Variants in GALNT2 observed in about 807,000 individuals in gnomAD.
The protein encoded by GALNT2 is UDP-GalNAc:polypeptide N-acetylgalactosaminyltransferase 2.
In GALNT2, 31 loss-of-function variants were observed where a neutral mutation model predicts 81.4. The observed-to-expected ratio is 0.38, with a 90% CI of 0.29 to 0.51. The LOEUF (loss-of-function observed/expected upper bound fraction) is 0.51. Ranked by LOEUF, GALNT2 falls within the 20% of genes least tolerant of loss-of-function variation. GALNT2 has a pLI of 0.87. For synonymous variants in GALNT2, 303 were observed against 287.4 expected, an observed-to-expected ratio of 1.05 and a Z score of -0.55; for missense variants, 629 against 765.7, an observed-to-expected ratio of 0.82 and a Z score of 2.11.
chr1:230,263,040 A>G, intron 13 of GALNT2, 35 bp downstream of exon 13: 1 of 1,551,288 alleles, frequency 6.4e-7, no homozygotes, highest in Non-Finnish European at 8.9e-7. Flanking sequence ...TCACTTTGTA[A>G]GGGCTTAGAA....
At chr1:230,181,656 C>T (rs1433286792) in intron 2 of GALNT2, among the ~76,000 whole-genome samples, 2 of 152,046 alleles carry the variant, frequency 1.3e-5, no homozygotes, top group African/African-American at 4.8e-5. Flanking sequence ...TCCCAAAGCG[C>T]TGGGATTACA....
At chr1:230,071,707 C>A (rs1462985060) in intron 1 of GALNT2, among the ~76,000 whole-genome samples, 2 of 152,152 alleles carry the variant, frequency 1.3e-5, no homozygotes, top group Admixed American at 6.5e-5. Flanking sequence ...TAAAGAAAGT[C>A]CACTTCAAAT....
At chr1:230,234,286 G>A (rs555463784) in intron 3 of GALNT2, among the ~76,000 whole-genome samples, 1 of 152,230 alleles carries the variant, frequency 6.6e-6, no homozygotes, top group Admixed American at 6.5e-5. Flanking sequence ...TGGAGGGGGT[G>A]GGGAGGAGAA....
intron 1 of GALNT2, among the ~76,000 whole-genome samples, chr1:230,118,104 CA>C (rs1196025661): frequency 2.0e-5 from 3 of 152,208 alleles, no homozygotes; most frequent in Non-Finnish European, 4.4e-5. Flanking sequence ...GTAGCCTTTT[CA>C]AATTGGCTTC....
intron 2 of GALNT2, among the ~76,000 whole-genome samples, chr1:230,178,640 G>A (rs1022289533): frequency 2.8e-4 from 43 of 151,912 alleles, no homozygotes; most frequent in African/African-American, 9.9e-4. Context: ...CAAAACTGAG[G>A]GGAAGGTACA....
intron 1 of GALNT2, among the ~76,000 whole-genome samples, chr1:230,097,249 A>G (rs1206327441): frequency 6.6e-6 from 1 of 152,076 alleles, no homozygotes; most frequent in Non-Finnish European, 1.5e-5. Flanking sequence ...TATTTTTTTC[A>G]TGATCTTTAA....
chr1:230,260,448 G>A (rs368558581), intron 11 of GALNT2, among the ~76,000 whole-genome samples: 69 of 152,232 alleles, frequency 4.5e-4, no homozygotes, highest in African/African-American at 1.6e-3. Flanking sequence ...GTTGCTTTGC[G>A]TTTAGGAATT....
intron 2 of GALNT2, among the ~76,000 whole-genome samples, chr1:230,195,411 AG>A (rs1229242557): frequency 6.6e-6 from 1 of 152,150 alleles, no homozygotes; most frequent in Admixed American, 6.5e-5. Context: ...GCTCTGCGTG[AG>A]GGGGCAGGAA....
chr1:230,086,270 G>A (rs949939501), intron 1 of GALNT2, among the ~76,000 whole-genome samples: 2 of 152,164 alleles, frequency 1.3e-5, no homozygotes, highest in Non-Finnish European at 2.9e-5. Flanking sequence ...GGTGGGTGAT[G>A]GTGACTAGGG....
At chr1:230,262,760 C>A in intron 12 of GALNT2, 95 bp downstream of exon 12, 2 of 1,372,316 alleles carry the variant, frequency 1.5e-6, no homozygotes, top group Non-Finnish European at 2.1e-6. Flanking sequence ...ATTCAGCTAC[C>A]CAGGTGCCAA....
chr1:230,062,155 G>C (rs920205600), intron 1 of GALNT2, among the ~76,000 whole-genome samples: 37 of 152,178 alleles, frequency 2.4e-4, no homozygotes, highest in African/African-American at 4.8e-5. Flanking sequence ...ACTCTATTAA[G>C]AGCAAAGTTT....
At chr1:230,095,295 GCTTTCA>G (rs1660218784) in intron 1 of GALNT2, among the ~76,000 whole-genome samples, 1 of 152,146 alleles carries the variant, frequency 6.6e-6, no homozygotes, top group Non-Finnish European at 1.5e-5. Context: ...TGTACCCCCT[GCTTTCA>G]CGCACTTTTA....
Position 230,203,159 on chromosome 1 carries a change from T to C in GALNT2, c.243T>C (p.Phe81=). 1 of 1,614,162 alleles carries C rather than the reference T, an allele frequency of 6.2e-7. No individual in the cohort carries two copies. The highest frequency in any genetic ancestry group is 1.1e-5 in the South Asian group (1 of 91,086). ...TAGGGAAAGTACGGTGGCCAGACTTTAACCAGGAAGCTTATGTTGGAGGGA... is the reference window on the plus strand; with the variant it reads ...TAGGGAAAGTACGGTGGCCAGACTTCAACCAGGAAGCTTATGTTGGAGGGA... ...LPPGKVRWPD[F]NQEAYVGGTM... Residue 81 remains phenylalanine (F), a synonymous_variant, in exon 3 of 16, where the codon TTT becomes TTC. Coordinates refer to ENST00000366672, the MANE Select transcript of GALNT2 (RefSeq NM_004481.5).
intron 8 of GALNT2, among the ~76,000 whole-genome samples, 177 bp downstream of exon 8, chr1:230,246,327 T>C (rs528637634): frequency 3.7e-4 from 57 of 152,150 alleles, no homozygotes; most frequent in South Asian, 2.1e-3. Flanking sequence ...GAAAAAAAAA[T>C]AGGCTTGCTC....
chr1:230,068,983 CTG>C (rs1382931604), intron 1 of GALNT2, among the ~76,000 whole-genome samples: 3 of 152,242 alleles, frequency 2.0e-5, no homozygotes, highest in Non-Finnish European at 4.4e-5. Flanking sequence ...TCCCGGTAAA[CTG>C]TGCCTTGGCC....
intron 1 of GALNT2, among the ~76,000 whole-genome samples, chr1:230,106,440 C>G (rs1660548120): frequency 6.6e-6 from 1 of 152,190 alleles, no homozygotes. Flanking sequence ...GTTGGTCTGG[C>G]CCACTGACCC....
At chr1:230,237,652 T>G (rs1289965516) in intron 6 of GALNT2, among the ~76,000 whole-genome samples, 1 of 152,110 alleles carries the variant, frequency 6.6e-6, no homozygotes, top group Non-Finnish European at 1.5e-5. Context: ...AACCTAGACA[T>G]TCAAGATACA....
At chr1:230,117,720 A>G (rs868037555) in intron 1 of GALNT2, among the ~76,000 whole-genome samples, 2 of 152,226 alleles carry the variant, frequency 1.3e-5, no homozygotes, top group Admixed American at 6.5e-5. Context: ...ACAGATCACC[A>G]TAAGATATAA....
chr1:230,159,357 T>TTAA (rs1662361467), intron 1 of GALNT2, among the ~76,000 whole-genome samples: 1 of 151,784 alleles, frequency 6.6e-6, no homozygotes, highest in Admixed American at 6.6e-5. Flanking sequence ...TCCCCTGAGT[T>TTAA]TATTAGAAGG....
Sources: gnomAD v4.1 joint callset for allele counts (sites outside exome capture counted in the v4.1 genomes callset) on GRCh38, gnomAD v4.1.1 for gene constraint, MANE v1.5 for transcripts, NCBI Gene and HGNC (gene_info 2026-07-23, HGNC 2026-07-21) for gene names.